CTNNA2: variants seen among roughly 807,000 people sequenced by gnomAD.
CTNNA2 encodes catenin alpha 2.
CTNNA2 carries 42 observed loss-of-function variants against 101.0 expected under a neutral mutation model. The observed-to-expected ratio is 0.42, with a 90% CI of 0.32 to 0.54. The LOEUF (loss-of-function observed/expected upper bound fraction) is 0.54. CTNNA2 is among the 20% of genes least tolerant of loss of function. The pLI is 0.14. For synonymous variants in CTNNA2, 450 were observed against 456.4 expected (o/e 0.99, Z 0.18); for missense variants, 871 against 1,223.1 (o/e 0.71, Z 4.29).
chr2:80,644,084 G>A lies in CTNNA2; in HGVS notation c.2575-3501G>A, dbSNP rs56805411. ...GACCTGAGAGATCAAGTGATGCTTCGGGGGAACATTGCTCCATGGTGGGGT... is the reference window on the plus strand; with the variant it reads ...GACCTGAGAGATCAAGTGATGCTTCAGGGGAACATTGCTCCATGGTGGGGT... On this transcript the variant is annotated intron_variant, in intron 18 of 18. Coordinates refer to ENST00000402739, the MANE Select transcript of CTNNA2 (RefSeq NM_001282597.3). 4.1e-3 allele frequency among the ~76,000 whole-genome samples: 626 copies of A among 152,182 alleles called. 10 individuals are homozygous for A. The East Asian group carries it at 0.063, about 15-fold the overall frequency.
intron 2 of CTNNA2, among the ~76,000 whole-genome samples, chr2:79,656,927 A>G (rs974586572): frequency 6.6e-6 from 1 of 151,948 alleles, no homozygotes; most frequent in Non-Finnish European, 1.5e-5. Flanking sequence ...TGAGTTAATG[A>G]AAAAGAAGAT....
intron 3 of CTNNA2, among the ~76,000 whole-genome samples, chr2:79,802,300 C>T (rs1338005958): frequency 6.6e-6 from 1 of 152,154 alleles, no homozygotes; most frequent in Non-Finnish European, 1.5e-5. Flanking sequence ...TATTGTAACA[C>T]CAGTTATATC....
chr2:80,084,568 T>C (rs1452554489), intron 7 of CTNNA2, among the ~76,000 whole-genome samples: 1 of 152,128 alleles, frequency 6.6e-6, no homozygotes, highest in African/African-American at 2.4e-5. Flanking sequence ...TCGGGAATTA[T>C]AATAAGTAGT....
intron 3 of CTNNA2, among the ~76,000 whole-genome samples, chr2:79,839,764 T>C (rs757304689): frequency 3.9e-5 from 6 of 152,126 alleles, no homozygotes; most frequent in Non-Finnish European, 8.8e-5. Context: ...GAGTATCATG[T>C]CCTTAGTTCA....
At chr2:80,190,695 T>TC (rs774203197) in intron 7 of CTNNA2, among the ~76,000 whole-genome samples, 1 of 152,176 alleles carries the variant, frequency 6.6e-6, no homozygotes, top group East Asian at 1.9e-4. Flanking sequence ...ACTACTGAGG[T>TC]CAGTTGCAAA....
At chr2:80,522,863 T>G (rs1689691246) in intron 9 of CTNNA2, among the ~76,000 whole-genome samples, 1 of 152,146 alleles carries the variant, frequency 6.6e-6, no homozygotes, top group African/African-American at 2.4e-5. Flanking sequence ...AGGTATGTCT[T>G]TGTAGCAGCG....
chr2:79,855,019 G>T (rs904477928), intron 3 of CTNNA2, among the ~76,000 whole-genome samples: 2 of 152,176 alleles, frequency 1.3e-5, no homozygotes, highest in Non-Finnish European at 2.9e-5. Context: ...ATTTGAGGTT[G>T]CCTTTCCTTT....
chr2:79,311,483 C>T lies in CTNNA2; in HGVS notation c.-405-1226C>T, dbSNP rs1676372867. Reference sequence around the variant, plus strand: ...GGACTTGTTTGGTGCTAATGCTCTACAATCACCTGTCACTATTGGTCAGAA... The same window carrying T: ...GGACTTGTTTGGTGCTAATGCTCTATAATCACCTGTCACTATTGGTCAGAA... On this transcript the variant is annotated intron_variant, in intron 2 of 21. Transcript: ENST00000466387. 2.0e-5 allele frequency among the ~76,000 whole-genome samples: 3 copies of T among 150,036 alleles called. 1 individual carries two copies. The South Asian group carries it at 6.3e-4, about 32-fold the overall frequency.
At chr2:80,386,739 AT>A (rs1267389984) in intron 7 of CTNNA2, among the ~76,000 whole-genome samples, 2 of 152,236 alleles carry the variant, frequency 1.3e-5, no homozygotes, top group Non-Finnish European at 2.9e-5. Context: ...CTCCTAAAAC[AT>A]CTAATATATT....
intron 7 of CTNNA2, among the ~76,000 whole-genome samples, chr2:79,950,529 T>C (rs1025747107): frequency 1.3e-5 from 2 of 152,174 alleles, no homozygotes; most frequent in Non-Finnish European, 2.9e-5. Context: ...ACCTAAGGGG[T>C]TCAGTCAGCT....
intron 7 of CTNNA2, among the ~76,000 whole-genome samples, chr2:80,161,472 A>C (rs1704314315): frequency 6.6e-6 from 1 of 152,162 alleles, no homozygotes; most frequent in Non-Finnish European, 1.5e-5. Flanking sequence ...ATACATTACA[A>C]GTTTTTGTTA....
chr2:80,213,231 T>A (rs570804729), intron 7 of CTNNA2, among the ~76,000 whole-genome samples: 3 of 152,272 alleles, frequency 2.0e-5, no homozygotes, highest in Admixed American at 1.3e-4. Context: ...TCCTCTGATC[T>A]TAGTTATTTC....
intron 1 of CTNNA2, among the ~76,000 whole-genome samples, chr2:79,622,383 T>A (rs941482418): frequency 6.6e-6 from 1 of 152,194 alleles, no homozygotes; most frequent in African/African-American, 2.4e-5. Context: ...AGTGAACAGA[T>A]AAGGAACTTA....
intron 1 of CTNNA2, among the ~76,000 whole-genome samples, chr2:79,187,098 T>A (rs1448331242): frequency 2.6e-5 from 4 of 152,074 alleles, no homozygotes; most frequent in Admixed American, 2.6e-4. Context: ...TGGGGGTGTT[T>A]ATGAATGGTA....
At chr2:79,287,730 A>G (rs1006711362) in intron 2 of CTNNA2, among the ~76,000 whole-genome samples, 1 of 152,164 alleles carries the variant, frequency 6.6e-6, no homozygotes, top group Non-Finnish European at 1.5e-5. Context: ...CCAGAGGTGG[A>G]GCCTACAGAG....
intron 7 of CTNNA2, among the ~76,000 whole-genome samples, chr2:79,990,833 G>C (rs1047912034): frequency 1.3e-5 from 2 of 152,114 alleles, no homozygotes; most frequent in African/African-American, 4.8e-5. Context: ...CTGTTGATTG[G>C]AATAGTTTCA....
intron 7 of CTNNA2, chr2:80,163,103 T>C (rs1322802935): frequency 2.5e-6 from 4 of 1,579,434 alleles, no homozygotes; most frequent in Non-Finnish European, 3.5e-6. Context: ...ACTGCTTTGG[T>C]TTACCATCCT....
At chr2:79,340,555 C>T (rs1194317773) in intron 3 of CTNNA2, among the ~76,000 whole-genome samples, 5 of 152,112 alleles carry the variant, frequency 3.3e-5, no homozygotes, top group Non-Finnish European at 7.3e-5. Context: ...TACATGAGGC[C>T]GGGCGTGGTG....
At chr2:80,631,366 T>C (rs895655142) in intron 18 of CTNNA2, among the ~76,000 whole-genome samples, 7 of 143,904 alleles carry the variant, frequency 4.9e-5, no homozygotes, top group Admixed American at 4.1e-4. Flanking sequence ...CACTAATTTT[T>C]TTTTTTTTTT....
Sources: gnomAD v4.1 joint callset for allele counts (sites outside exome capture counted in the v4.1 genomes callset) on GRCh38, gnomAD v4.1.1 for gene constraint, MANE v1.5 for transcripts, NCBI Gene and HGNC (gene_info 2026-07-23, HGNC 2026-07-21) for gene names.